The following TBC1D5 variants were observed in gnomAD, a reference collection of about 807,000 sequenced individuals.
The protein encoded by TBC1D5 is TBC1 domain family, member 5.
In TBC1D5, 75 loss-of-function variants were observed where a neutral mutation model predicts 100.3. That is an observed-to-expected ratio of 0.75 (90% CI 0.62 to 0.91). The LOEUF is 0.91. Among genes scored for constraint, TBC1D5 ranks in the 40% least tolerant of loss-of-function variants. TBC1D5 has a pLI of 0.00. For missense variants in TBC1D5, 910 were observed against 942.4 expected (o/e 0.97, Z 0.45); for synonymous variants, 323 against 325.6 (o/e 0.99, Z 0.09).
At chr3:17,529,655 A>AT (rs921875666) in intron 2 of TBC1D5, among the ~76,000 whole-genome samples, 17 of 132,642 alleles carry the variant, frequency 1.3e-4, no homozygotes, top group East Asian at 4.3e-4. Flanking sequence ...TATTATTTTT[A>AT]TTTTTTTTTG....
intron 4 of TBC1D5, among the ~76,000 whole-genome samples, chr3:17,419,290 G>A (rs2094153428): frequency 6.6e-6 from 1 of 152,098 alleles, no homozygotes; most frequent in African/African-American, 2.4e-5. Flanking sequence ...CCTGCAATAA[G>A]CCCCTGTAAC....
chr3:17,403,793 T>C (rs1412599896), intron 7 of TBC1D5, among the ~76,000 whole-genome samples: 1 of 152,112 alleles, frequency 6.6e-6, no homozygotes, highest in African/African-American at 2.4e-5. Context: ...GAGAAACTAG[T>C]ATATATTCTC....
chr3:17,229,779 C>T lies in TBC1D5; in HGVS notation c.1588+8384G>A, dbSNP rs537156762. 1.7e-4 allele frequency among the ~76,000 whole-genome samples: 26 copies of T among 152,242 alleles called. 1 individual carries two copies. Among genetic ancestry groups the T allele is most frequent in the South Asian group, 1.7e-3 (8 of 4,824 alleles). On this transcript the variant is annotated intron_variant, in intron 17 of 21. Coordinates refer to ENST00000253692, the Ensembl canonical transcript of TBC1D5. ...GCTTGACTCCAGAGCCCGTGCTAGA[C>T]AAAACTGTACCACCCTCCCCATCTC...
At chr3:17,531,455 G>A (rs1463369151) in intron 2 of TBC1D5, among the ~76,000 whole-genome samples, 1 of 152,124 alleles carries the variant, frequency 6.6e-6, no homozygotes, top group Non-Finnish European at 1.5e-5. Flanking sequence ...AGCTACCAAC[G>A]ACTTTCTTCA....
At chr3:17,471,839 C>T (rs73153026) in intron 3 of TBC1D5, among the ~76,000 whole-genome samples, 12,190 of 152,090 alleles carry the variant, frequency 0.08, 1,009 homozygotes, top group African/African-American at 0.22. Flanking sequence ...AGAAACTACA[C>T]GTATTAATAG....
intron 2 of TBC1D5, among the ~76,000 whole-genome samples, chr3:17,559,151 C>CT (rs71950189): frequency 1.1e-4 from 17 of 148,520 alleles, no homozygotes; most frequent in African/African-American, 2.7e-4. Context: ...AAATGTAAAA[C>CT]TTTTTTTTTT....
intron 2 of TBC1D5, among the ~76,000 whole-genome samples, chr3:17,552,852 G>A (rs982135891): frequency 5.3e-5 from 8 of 152,082 alleles, no homozygotes; most frequent in Non-Finnish European, 1.2e-4. Context: ...AGGTAATACA[G>A]AGGCCCAAAG....
chr3:17,478,068 T>A (rs1228306408), intron 3 of TBC1D5, among the ~76,000 whole-genome samples: 2 of 152,050 alleles, frequency 1.3e-5, no homozygotes, highest in Non-Finnish European at 2.9e-5. Context: ...CTATACCTTT[T>A]CATATGCAAT....
chr3:17,523,780 T>A (rs1412318406), intron 2 of TBC1D5, among the ~76,000 whole-genome samples: 1 of 152,210 alleles, frequency 6.6e-6, no homozygotes, highest in Non-Finnish European at 1.5e-5. Flanking sequence ...GGCAGTGATA[T>A]TGTCTCCTAG....
At chr3:17,417,388 G>A (rs903015302) in intron 4 of TBC1D5, among the ~76,000 whole-genome samples, 3 of 137,974 alleles carry the variant, frequency 2.2e-5, no homozygotes, top group African/African-American at 8.4e-5. Context: ...TCCCCTTCCT[G>A]TGTCCATGTG....
At chr3:17,423,327 T>C (rs1423711931) in intron 4 of TBC1D5, among the ~76,000 whole-genome samples, 1 of 152,142 alleles carries the variant, frequency 6.6e-6, no homozygotes, top group African/African-American at 2.4e-5. Flanking sequence ...TTTAAAAAAA[T>C]ACATAAGTTT....
intron 3 of TBC1D5, among the ~76,000 whole-genome samples, chr3:17,464,510 A>ATC (rs1465070509): frequency 1.3e-5 from 2 of 152,022 alleles, no homozygotes; most frequent in Admixed American, 1.3e-4. Flanking sequence ...TTTCCTTCAA[A>ATC]TCTTTCCTCA....
chr3:17,241,159 A>G (rs745550657), intron 16 of TBC1D5, among the ~76,000 whole-genome samples: 5 of 152,068 alleles, frequency 3.3e-5, no homozygotes, highest in African/African-American at 9.7e-5. Flanking sequence ...ATCTGTCCAG[A>G]GCTTGTCTGT....
chr3:17,370,755 G>C (rs912519131), intron 13 of TBC1D5, among the ~76,000 whole-genome samples: 2 of 152,134 alleles, frequency 1.3e-5, no homozygotes, highest in African/African-American at 4.8e-5. Flanking sequence ...TCTCTTTTCT[G>C]GGTTAAATAA....
chr3:17,411,161 G>C (rs150719885), intron 4 of TBC1D5, among the ~76,000 whole-genome samples: 12 of 150,974 alleles, frequency 7.9e-5, no homozygotes, highest in Middle Eastern at 3.5e-3. Flanking sequence ...CCCTCTACCA[G>C]CAAAAAGATT....
chr3:17,576,163 G>C (rs1355497250), intron 2 of TBC1D5, among the ~76,000 whole-genome samples: 2 of 151,942 alleles, frequency 1.3e-5, no homozygotes, highest in African/African-American at 4.8e-5. Flanking sequence ...TGAAGAAAAA[G>C]GAAACACGTA....
chr3:17,427,724 C>T (rs2094365575), intron 4 of TBC1D5, among the ~76,000 whole-genome samples: 1 of 151,802 alleles, frequency 6.6e-6, no homozygotes, highest in Admixed American at 6.6e-5. Flanking sequence ...TGAATTTGCA[C>T]TTTTTTCCTA....
At chr3:17,179,009 CG>C (rs2068132011) in intron 19 of TBC1D5, among the ~76,000 whole-genome samples, 1 of 151,792 alleles carries the variant, frequency 6.6e-6, no homozygotes, top group African/African-American at 2.4e-5. Flanking sequence ...ATTCACAGGC[CG>C]GATCACAGCA....
chr3:17,628,137 G>A (rs1577098973), intron 1 of TBC1D5, among the ~76,000 whole-genome samples: 1 of 152,276 alleles, frequency 6.6e-6, no homozygotes, highest in East Asian at 1.9e-4. Context: ...GGAAGGCTGA[G>A]GAGGGTGGAT....
Sources: gnomAD v4.1 joint callset for allele counts (sites outside exome capture counted in the v4.1 genomes callset) on GRCh38, gnomAD v4.1.1 for gene constraint, MANE v1.5 for transcripts, NCBI Gene and HGNC (gene_info 2026-07-23, HGNC 2026-07-21) for gene names.